FAM227B: variants seen among roughly 807,000 people sequenced by gnomAD.
The protein encoded by FAM227B is family with sequence similarity 227 member B, also known as protein FAM227B.
FAM227B carries 88 observed loss-of-function variants against 73.8 expected under a neutral mutation model. The ratio of observed to expected loss-of-function variants is 1.19; its 90% CI spans 1.00 to 1.42. The LOEUF (loss-of-function observed/expected upper bound fraction) is 1.42, where lower values mean the gene tolerates loss of function less well. FAM227B is among the 40% of genes most tolerant of loss of function. FAM227B has a pLI of 0.00. For synonymous variants in FAM227B, 210 were observed against 190.5 expected, an observed-to-expected ratio of 1.10 and a Z score of -0.84; for missense variants, 632 against 590.9, an observed-to-expected ratio of 1.07 and a Z score of -0.72.
chr15:49,366,779 G>A (rs2045285775), intron 13 of FAM227B: 1 of 616,312 alleles, frequency 1.6e-6, no homozygotes, highest in Non-Finnish European at 2.7e-6. Flanking sequence ...TGGCGGGGGC[G>A]GCCGGGCTAG....
chr15:49,452,266 T>A (rs1411964772), intron 11 of FAM227B, among the ~76,000 whole-genome samples: 1 of 152,156 alleles, frequency 6.6e-6, no homozygotes, highest in Non-Finnish European at 1.5e-5. Context: ...TTGGCCAGGA[T>A]GGTCTCGAAC....
At chr15:49,603,366 G>C (rs1166758860) in intron 3 of FAM227B, among the ~76,000 whole-genome samples, 1 of 151,992 alleles carries the variant, frequency 6.6e-6, no homozygotes, top group African/African-American at 2.4e-5. Flanking sequence ...TGGTTAACTT[G>C]ATTCCTTAGG....
At chr15:49,393,688 A>T (rs1488206599) in intron 11 of FAM227B, among the ~76,000 whole-genome samples, 1 of 152,126 alleles carries the variant, frequency 6.6e-6, no homozygotes. Context: ...TGGTCATTCC[A>T]AATTCTTTGA....
intron 13 of FAM227B, among the ~76,000 whole-genome samples, chr15:49,361,206 A>T (rs958979785): frequency 6.6e-6 from 1 of 152,194 alleles, no homozygotes; most frequent in African/African-American, 2.4e-5. Flanking sequence ...TAAAAAATTA[A>T]TTTAAAAAAC....
intron 7 of FAM227B, 171 bp downstream of exon 7, chr15:49,576,570 C>A (rs2075455805): frequency 1.3e-5 from 7 of 559,350 alleles, no homozygotes; most frequent in Admixed American, 3.2e-5. Flanking sequence ...TTAATATATT[C>A]TTTTCTGGTA....
Position 49,568,237 on chromosome 15 carries a change from A to G in FAM227B, c.747+8T>C, listed in dbSNP as rs761572392. ...ATAATTAGCATAACTGTTAATTTCA[A>G]TGCTTACCTGAAAAAATGCATCCTT... On this transcript the variant is annotated splice_region_variant and intron_variant, in intron 9 of 15. Transcript: ENST00000299338. 1.9e-6 allele frequency: 3 copies of G among 1,595,832 alleles called. No individual in the cohort carries two copies. Among genetic ancestry groups the G allele is most frequent in the Non-Finnish European group, 2.6e-6 (3 of 1,168,656 alleles).
intron 11 of FAM227B, among the ~76,000 whole-genome samples, chr15:49,489,820 TTTTA>T (rs1269045202): frequency 1.2e-4 from 4 of 34,042 alleles, no homozygotes; most frequent in South Asian, 9.6e-4. Context: ...TATATATATA[TTTTA>T]TATATATATA....
At position 49,328,258 on chromosome 15, in the gene FAM227B, T is replaced by C; in HGVS notation, c.*310A>G. On this transcript the variant is annotated 3_prime_UTR_variant, in exon 16 of 16. Coordinates refer to ENST00000299338, the MANE Select transcript of FAM227B (RefSeq NM_152647.3). ...TTAATCTTCCTTCTGTTTTGTATTA[T>C]GATGAACGGTTGCTATTATATCAAG... 1.4e-6 allele frequency: 2 copies of C among 1,469,778 alleles called. No homozygotes were observed. Among genetic ancestry groups the C allele is most frequent in the African/African-American group, 1.4e-5 (1 of 70,452 alleles). The allele number at this position is 1,469,778 out of a possible 1,614,324, so 91.0% of individuals were successfully genotyped here. A position where few individuals can be genotyped will look rare whatever the true frequency, so the allele number is the denominator to read the frequency against.
chr15:49,335,611 A>T, intron 13 of FAM227B, 115 bp from the exon 14 acceptor site: 1 of 648,618 alleles, frequency 1.5e-6, no homozygotes, highest in Non-Finnish European at 2.7e-6. Flanking sequence ...AGTAATGAAG[A>T]GTCTCAAGTA....
At chr15:49,481,161 C>T (rs1416842619) in intron 11 of FAM227B, among the ~76,000 whole-genome samples, 1 of 152,136 alleles carries the variant, frequency 6.6e-6, no homozygotes, top group Non-Finnish European at 1.5e-5. Context: ...ATGCTAAGAT[C>T]TTTAGAAACC....
rs1483569812 is a variant in FAM227B at position 49,607,899 on chromosome 15, C to T, written c.105+3316G>A. Among the ~76,000 whole-genome samples the T allele has an allele frequency of 3.9e-5, 6 of 152,078 alleles. No individual in the cohort carries two copies. The South Asian group carries it at 8.3e-4, about 21-fold the overall frequency. ...CCCATCTCATTTCTCTATTACTTTC[C>T]TTCCTTATTCCTTTATATTTTGCCT... On this transcript the variant is annotated intron_variant, in intron 3 of 15. Coordinates refer to ENST00000299338, the MANE Select transcript of FAM227B (RefSeq NM_152647.3).
intron 11 of FAM227B, among the ~76,000 whole-genome samples, chr15:49,378,626 T>C (rs1306518904): frequency 2.6e-5 from 4 of 152,116 alleles, no homozygotes; most frequent in Non-Finnish European, 5.9e-5. Flanking sequence ...GGCATATAGA[T>C]GTGCTACTGA....
chr15:49,525,709 T>TAC (rs2060140979), intron 10 of FAM227B, among the ~76,000 whole-genome samples: 4 of 80,204 alleles, frequency 5.0e-5, no homozygotes, highest in African/African-American at 1.6e-4. Context: ...TATATATATA[T>TAC]ATATATATAT....
At chr15:49,361,298 G>T (rs2044196863) in intron 13 of FAM227B, among the ~76,000 whole-genome samples, 1 of 151,998 alleles carries the variant, frequency 6.6e-6, no homozygotes, top group Admixed American at 6.6e-5. Flanking sequence ...TTGTTACATA[G>T]GTAAATTGAT....
chr15:49,497,772 G>A (rs2057754210), intron 11 of FAM227B, among the ~76,000 whole-genome samples: 2 of 152,146 alleles, frequency 1.3e-5, no homozygotes. Context: ...ATCAAAAACA[G>A]CGGTGTGTGG....
At chr15:49,588,964 T>G (rs1166633850) in intron 4 of FAM227B, among the ~76,000 whole-genome samples, 1 of 151,820 alleles carries the variant, frequency 6.6e-6, no homozygotes, top group African/African-American at 2.4e-5. Context: ...CTAAAAACAC[T>G]TTATAAGTAC....
intron 13 of FAM227B, among the ~76,000 whole-genome samples, chr15:49,356,812 A>G (rs1395706348): frequency 1.3e-5 from 1 of 79,720 alleles, no homozygotes; most frequent in African/African-American, 5.5e-5. Flanking sequence ...CACCTATTCC[A>G]AAATTGACCA....
At chr15:49,517,413 T>C (rs1217775128) in intron 10 of FAM227B, among the ~76,000 whole-genome samples, 1 of 152,180 alleles carries the variant, frequency 6.6e-6, no homozygotes, top group Admixed American at 6.5e-5. Context: ...AATAAAAATA[T>C]GTTTTATAAA....
chr15:49,578,469 C>CATAGATAGATAGATAGATAGATAG lies in FAM227B; in HGVS notation c.406-829_406-806dup, dbSNP rs141756297. Among the ~76,000 whole-genome samples, 288 of 151,466 alleles carry CATAGATAGATAGATAGATAGATAG rather than the reference C, an allele frequency of 1.9e-3. 2 individuals are homozygous for CATAGATAGATAGATAGATAGATAG. The highest frequency in any genetic ancestry group is 3.4e-3 in the Middle Eastern group (1 of 294). On this transcript the variant is annotated intron_variant, in intron 5 of 15. Transcript: ENST00000299338. Reference sequence around the variant, plus strand: ...AATATGTATACATACTATAGACAGACATAGATAGATAGATAGATAGATAGC... The same window carrying CATAGATAGATAGATAGATAGATAG: ...AATATGTATACATACTATAGACAGACATAGATAGATAGATAGATAGATAGATAGATAGATAGATAGATAGATAGC...
Sources: gnomAD v4.1 joint callset for allele counts (sites outside exome capture counted in the v4.1 genomes callset) on GRCh38, gnomAD v4.1.1 for gene constraint, MANE v1.5 for transcripts, NCBI Gene and HGNC (gene_info 2026-07-23, HGNC 2026-07-21) for gene names.